GABRA3: variants seen among roughly 807,000 people sequenced by gnomAD.
GABRA3 encodes gamma-aminobutyric acid receptor subunit alpha-3.
A neutral mutation model predicts 30.1 loss-of-function variants in GABRA3; 10 were observed. The observed-to-expected ratio is 0.33, with a 90% CI of 0.20 to 0.56. GABRA3 has a LOEUF of 0.56. Among genes scored for constraint, GABRA3 ranks in the 20% least tolerant of loss-of-function variants. GABRA3 has a pLI of 0.89. For synonymous variants in GABRA3, 151 were observed against 146.8 expected (o/e 1.03, Z -0.21); for missense variants, 233 against 392.0 (o/e 0.59, Z 3.42).
At chrX:152,267,061 G>A (rs1220402036) in intron 4 of GABRA3, among the ~76,000 whole-genome samples, 1 of 112,023 alleles carries the variant, frequency 8.9e-6, no homozygotes, top group Admixed American at 9.4e-5. Flanking sequence ...ATCTACAAAT[G>A]ACAATAAGAG....
chrX:152,442,411 C>T (rs1930956457), intron 1 of GABRA3, among the ~76,000 whole-genome samples: 1 of 110,566 alleles, frequency 9.0e-6, no homozygotes, highest in Admixed American at 9.7e-5. Context: ...AAGAAAATAA[C>T]TTGTAAACTA....
chrX:152,372,120 C>T (rs1176156597), intron 1 of GABRA3, among the ~76,000 whole-genome samples: 2 of 111,028 alleles, frequency 1.8e-5, no homozygotes, highest in East Asian at 5.7e-4. Flanking sequence ...ACTCTTGCCC[C>T]CTTATAGTCC....
chrX:152,433,946 A>C (rs1319681444), intron 1 of GABRA3, among the ~76,000 whole-genome samples: 1 of 112,113 alleles, frequency 8.9e-6, no homozygotes. Flanking sequence ...TATTTGCAAG[A>C]CATAATATCA....
intron 8 of GABRA3, among the ~76,000 whole-genome samples, chrX:152,192,511 C>T (rs1937336561): frequency 1.8e-5 from 2 of 110,973 alleles, no homozygotes; most frequent in East Asian, 2.8e-4. Flanking sequence ...TCTTTTCTTA[C>T]GGTAATTATT....
intron 1 of GABRA3, among the ~76,000 whole-genome samples, chrX:152,442,452 G>GA (rs1217335576): frequency 9.5e-6 from 1 of 105,638 alleles, no homozygotes; most frequent in Admixed American, 1.0e-4. Context: ...TCAGCAAAGT[G>GA]AAAAAAATAG....
chrX:152,315,486 G>A (rs1169696544), intron 3 of GABRA3, among the ~76,000 whole-genome samples: 1 of 111,053 alleles, frequency 9.0e-6, no homozygotes, highest in Non-Finnish European at 1.9e-5. Context: ...CCATCCAAAC[G>A]TGAAGTTTCC....
intron 3 of GABRA3, among the ~76,000 whole-genome samples, chrX:152,297,674 T>C (rs909450753): frequency 8.9e-6 from 1 of 112,397 alleles, no homozygotes; most frequent in African/African-American, 3.2e-5. Context: ...AGCTTCAGTT[T>C]CTTTATCTAG....
At chrX:152,265,270 A>T (rs750973633) in intron 4 of GABRA3, among the ~76,000 whole-genome samples, 88 of 111,778 alleles carry the variant, frequency 7.9e-4, no homozygotes, top group African/African-American at 2.7e-3. Flanking sequence ...TTAAAACATT[A>T]AAAAAATTTG....
At chrX:152,368,776 G>T (rs1928736710) in intron 1 of GABRA3, among the ~76,000 whole-genome samples, 1 of 94,525 alleles carries the variant, frequency 1.1e-5, no homozygotes, top group Non-Finnish European at 2.0e-5. Flanking sequence ...CGTGATCTCG[G>T]CTCACTGCAA....
At chrX:152,309,161 T>A (rs956253405) in intron 3 of GABRA3, among the ~76,000 whole-genome samples, 3 of 111,966 alleles carry the variant, frequency 2.7e-5, no homozygotes, top group African/African-American at 9.7e-5. Flanking sequence ...AACCTATGAT[T>A]CATTGGCATC....
At chrX:152,293,996 G>A (rs1002644564) in intron 3 of GABRA3, among the ~76,000 whole-genome samples, 15 of 111,847 alleles carry the variant, frequency 1.3e-4, no homozygotes, top group African/African-American at 4.2e-4. Context: ...CAAGAGATCC[G>A]CTGTTAGTCT....
At chrX:152,327,045 G>T (rs1473408841) in intron 3 of GABRA3, among the ~76,000 whole-genome samples, 9 of 109,555 alleles carry the variant, frequency 8.2e-5, no homozygotes, top group Non-Finnish European at 1.7e-4. Context: ...AAAAGCAGGG[G>T]TTGCAATCCT....
chrX:152,262,723 C>T (rs1367365141), intron 4 of GABRA3, among the ~76,000 whole-genome samples: 1 of 111,662 alleles, frequency 9.0e-6, no homozygotes, highest in Non-Finnish European at 1.9e-5. Context: ...TAGAAAGTTC[C>T]AAACTTTCCC....
At chrX:152,187,760 A>G (rs777291124) in intron 9 of GABRA3, among the ~76,000 whole-genome samples, 2 of 112,194 alleles carry the variant, frequency 1.8e-5, no homozygotes, top group East Asian at 5.6e-4. Context: ...TACTCCCCCA[A>G]TGATATTTCC....
At chrX:152,238,124 T>A (rs1393215061) in intron 5 of GABRA3, among the ~76,000 whole-genome samples, 1 of 107,372 alleles carries the variant, frequency 9.3e-6, no homozygotes, top group East Asian at 3.1e-4. Flanking sequence ...ATATTGGCTG[T>A]GGGTTTGTCA....
At chrX:152,394,628 G>A (rs1603253802) in intron 1 of GABRA3, 1 of 274,532 alleles carries the variant, frequency 3.6e-6, no homozygotes, top group East Asian at 1.0e-4. Flanking sequence ...CTCATTCCCA[G>A]TACAAGTAGA....
At chrX:152,398,261 C>CTTTTTTTT (rs762967661) in intron 1 of GABRA3, among the ~76,000 whole-genome samples, 1 of 53,996 alleles carries the variant, frequency 1.9e-5, no homozygotes. Context: ...GTTTTTCCAC[C>CTTTTTTTT]TTTTTTTTTT....
chrX:152,350,848 T>C (rs1045963045), intron 2 of GABRA3, among the ~76,000 whole-genome samples: 9 of 112,222 alleles, frequency 8.0e-5, no homozygotes, highest in African/African-American at 2.9e-4. Context: ...AAATTTCTTC[T>C]TGATCAATGG....
chrX:152,292,313 T>A (rs1212524880), intron 3 of GABRA3, among the ~76,000 whole-genome samples: 4 of 112,208 alleles, frequency 3.6e-5, no homozygotes, highest in Admixed American at 9.5e-5. Flanking sequence ...TAGAGGTGTT[T>A]ATTGTATTCT....
Sources: allele counts gnomAD v4.1 joint callset (sites outside exome capture counted in the v4.1 genomes callset), GRCh38; gene constraint gnomAD v4.1.1; transcripts MANE v1.5; gene names NCBI Gene and HGNC (gene_info 2026-07-23, HGNC 2026-07-21).